The following NCMAP variants were observed in gnomAD, a reference collection of about 807,000 sequenced individuals.
NCMAP encodes the protein non-compact myelin associated protein, also known as noncompact myelin-associated protein.
In NCMAP, 8 loss-of-function variants were observed where a neutral mutation model predicts 7.8. The ratio of observed to expected loss-of-function variants is 1.02; its 90% CI spans 0.60 to 1.84. The LOEUF is 1.84. NCMAP is among the 40% of genes most tolerant of loss of function. NCMAP has a pLI of 0.00. For missense variants in NCMAP, 112 were observed against 131.4 expected (o/e 0.85, Z 0.72); for synonymous variants, 41 against 52.9 (o/e 0.78, Z 0.98).
At chr1:24,602,337 C>T (rs2148938960) in intron 3 of NCMAP, among the ~76,000 whole-genome samples, 1 of 147,888 alleles carries the variant, frequency 6.8e-6, no homozygotes, top group Admixed American at 6.6e-5. Context: ...AATCCCAGCA[C>T]TTTGAGAGGC....
intron 1 of NCMAP, among the ~76,000 whole-genome samples, chr1:24,566,969 A>T (rs1490678809): frequency 6.6e-6 from 1 of 152,146 alleles, no homozygotes; most frequent in Non-Finnish European, 1.5e-5. Context: ...TACTAGAAAA[A>T]TATCCAAGTC....
intron 1 of NCMAP, among the ~76,000 whole-genome samples, chr1:24,582,264 G>A (rs910543630): frequency 2.0e-5 from 3 of 151,994 alleles, no homozygotes; most frequent in African/African-American, 7.3e-5. Context: ...GATTCAGAGT[G>A]CACACCTTGG....
Position 24,597,818 on chromosome 1 carries a change from A to G in NCMAP, c.82+2306A>G, listed in dbSNP as rs187688729. Among the ~76,000 whole-genome samples the G allele has an allele frequency of 2.0e-3, 298 of 152,292 alleles. 1 individual carries two copies. The highest frequency in any genetic ancestry group is 6.2e-3 in the African/African-American group (258 of 41,562). Reference sequence around the variant, plus strand: ...AATTTGAATTTAAGATAAACAATGAATCCTTATTTAGTATGTGTCATACAA... The same window carrying G: ...AATTTGAATTTAAGATAAACAATGAGTCCTTATTTAGTATGTGTCATACAA... On this transcript the variant is annotated intron_variant, in intron 2 of 3. Coordinates refer to ENST00000374392, the MANE Select transcript of NCMAP (RefSeq NM_001010980.5).
intron 1 of NCMAP, among the ~76,000 whole-genome samples, chr1:24,557,734 C>T (rs1570508096): frequency 6.6e-6 from 1 of 152,206 alleles, no homozygotes; most frequent in Admixed American, 6.5e-5. Context: ...CCCTTCATGG[C>T]CTGTGGCTTT....
rs71577720 is a variant in NCMAP at position 24,577,401 on chromosome 1, G to GTTTTT, written c.-7-17997_-7-17993dup. On this transcript the variant is annotated intron_variant, in intron 1 of 3. Transcript: ENST00000374392. ...GAGTTTCTAAGAAGGCACTGGCCTT[G>GTTTTT]TTTTTTTTTTTTTTTTTTTTTTTTT... Among the ~76,000 whole-genome samples, 81 of 39,918 alleles carry GTTTTT rather than the reference G, an allele frequency of 2.0e-3. 2 individuals are homozygous for GTTTTT. Among genetic ancestry groups the GTTTTT allele is most frequent in the African/African-American group, 4.7e-3 (44 of 9,408 alleles). 26.2% of individuals were successfully genotyped at this position (39,918 alleles called of 152,430 possible). A position where few individuals can be genotyped will look rare whatever the true frequency, so the allele number is the denominator to read the frequency against.
chr1:24,591,708 C>T (rs1350499890), intron 1 of NCMAP, among the ~76,000 whole-genome samples: 5 of 152,084 alleles, frequency 3.3e-5, no homozygotes, highest in Non-Finnish European at 7.4e-5. Flanking sequence ...GGCAGAGCCA[C>T]ACGGGGTTCC....
At chr1:24,566,693 C>T (rs1651236769) in intron 1 of NCMAP, among the ~76,000 whole-genome samples, 1 of 152,182 alleles carries the variant, frequency 6.6e-6, no homozygotes, top group Non-Finnish European at 1.5e-5. Flanking sequence ...ACAAGTGGCT[C>T]CCCAGGGAAG....
intron 1 of NCMAP, among the ~76,000 whole-genome samples, chr1:24,578,163 G>A (rs895655857): frequency 4.0e-5 from 6 of 150,864 alleles, no homozygotes; most frequent in African/African-American, 1.5e-4. Context: ...TACTCAGGAG[G>A]CTGAGGCACG....
chr1:24,597,318 T>G (rs2148936448), intron 2 of NCMAP, among the ~76,000 whole-genome samples: 1 of 151,662 alleles, frequency 6.6e-6, no homozygotes, highest in East Asian at 1.9e-4. Flanking sequence ...CTGGCCAGCA[T>G]GGTAAAATCC....
intron 3 of NCMAP, among the ~76,000 whole-genome samples, chr1:24,603,430 C>G (rs915067185): frequency 1.3e-5 from 2 of 151,922 alleles, no homozygotes; most frequent in African/African-American, 4.8e-5. Flanking sequence ...GGCATCAAAC[C>G]CCAATGTCTA....
rs1221796922 is a variant in NCMAP at position 24,606,017 on chromosome 1, C to G, written c.*270C>G. ...AGGTAGAGCTATGTTGGGAATCCAC[C>G]AATGTGGGCTTGGCTTTCCCCCACA... On this transcript the variant is annotated 3_prime_UTR_variant, in exon 4 of 4. Transcript: ENST00000374392. The G allele has an allele frequency of 2.8e-5, 12 of 427,204 alleles. No individual in the cohort carries two copies. The allele number at this position is 427,204 out of a possible 1,614,324, so 26.5% of individuals were successfully genotyped here. A position where few individuals can be genotyped will look rare whatever the true frequency, so the allele number is the denominator to read the frequency against.
At chr1:24,577,220 T>C (rs1651587708) in intron 1 of NCMAP, among the ~76,000 whole-genome samples, 1 of 152,084 alleles carries the variant, frequency 6.6e-6, no homozygotes, top group African/African-American at 2.4e-5. Flanking sequence ...TAGAATTTCA[T>C]ATTAAAATGC....
At chr1:24,563,694 A>G (rs929599341) in intron 1 of NCMAP, 5 of 152,328 alleles carry the variant, frequency 3.3e-5, no homozygotes, top group Admixed American at 1.3e-4. Flanking sequence ...AGACAGAAAT[A>G]TAATGTTCGG....
intron 1 of NCMAP, among the ~76,000 whole-genome samples, chr1:24,560,770 A>C (rs527419817): frequency 6.6e-6 from 1 of 151,144 alleles, no homozygotes; most frequent in South Asian, 2.1e-4. Context: ...GCAGTTGTGC[A>C]ACTTTTCCCC....
chr1:24,603,734 G>A (rs1331548588), intron 3 of NCMAP, among the ~76,000 whole-genome samples: 2 of 152,164 alleles, frequency 1.3e-5, no homozygotes, highest in African/African-American at 4.8e-5. Flanking sequence ...CATGATGCCT[G>A]CAACTCACAA....
intron 1 of NCMAP, among the ~76,000 whole-genome samples, chr1:24,559,828 T>G (rs186970705): frequency 5.9e-5 from 9 of 152,370 alleles, no homozygotes; most frequent in African/African-American, 1.9e-4. Context: ...CTCAGTTTCC[T>G]AATTTAACCA....
In NCMAP at chr1:24,556,126, C is replaced by A. The variant is rs1036852677; in HGVS notation, c.-51C>A. 2.6e-5 allele frequency: 4 copies of A among 152,918 alleles called. No homozygotes were observed. Among genetic ancestry groups the A allele is most frequent in the South Asian group, 1.9e-4 (1 of 5,392 alleles). 9.5% of individuals were successfully genotyped at this position (152,918 alleles called of 1,614,324 possible). A position where few individuals can be genotyped will look rare whatever the true frequency, so the allele number is the denominator to read the frequency against. On this transcript the variant is annotated 5_prime_UTR_variant, in exon 1 of 4. Coordinates refer to ENST00000374392, the MANE Select transcript of NCMAP (RefSeq NM_001010980.5). ...CGGCGGCGGGGACCCTGGCTGGGAGCGCGGCGGTGCCGGCGGGAGGCCGAG... is the reference window on the plus strand; with the variant it reads ...CGGCGGCGGGGACCCTGGCTGGGAGAGCGGCGGTGCCGGCGGGAGGCCGAG...
At chr1:24,574,099 C>A (rs1651476458) in intron 1 of NCMAP, among the ~76,000 whole-genome samples, 1 of 148,702 alleles carries the variant, frequency 6.7e-6, no homozygotes, top group South Asian at 2.1e-4. Flanking sequence ...CCCCCAGGTG[C>A]TTAAGCCTTC....
chr1:24,593,642 T>C (rs1458562785), intron 1 of NCMAP, among the ~76,000 whole-genome samples: 1 of 152,142 alleles, frequency 6.6e-6, no homozygotes, highest in African/African-American at 2.4e-5. Context: ...TTATACACCA[T>C]TTTTTAAAAT....
Sources: gnomAD v4.1 joint callset for allele counts (sites outside exome capture counted in the v4.1 genomes callset) on GRCh38, gnomAD v4.1.1 for gene constraint, MANE v1.5 for transcripts, NCBI Gene and HGNC (gene_info 2026-07-23, HGNC 2026-07-21) for gene names.